ZFP28: variants seen among roughly 807,000 people sequenced by gnomAD.
The protein encoded by ZFP28 is zinc finger protein 28 homolog.
A neutral mutation model predicts 39.5 loss-of-function variants in ZFP28; 31 were observed. The observed-to-expected ratio is 0.79, with a 90% confidence interval of 0.59 to 1.06. ZFP28 has a LOEUF of 1.06. Ranked by LOEUF, ZFP28 falls within the 50% of genes least tolerant of loss-of-function variation. ZFP28 has a pLI of 0.00. For synonymous variants in ZFP28, 400 were observed against 378.6 expected, an observed-to-expected ratio of 1.06 and a Z score of -0.66; for missense variants, 925 against 1,048.4, an observed-to-expected ratio of 0.88 and a Z score of 1.63.
intron 2 of ZFP28, among the ~76,000 whole-genome samples, chr19:56,545,168 G>T (rs1487832206): frequency 6.6e-6 from 1 of 152,174 alleles, no homozygotes; most frequent in Non-Finnish European, 1.5e-5. Context: ...GCTGTTTCCT[G>T]CAAGTATTAC....
chr19:56,540,884 T>C (rs973119763), intron 2 of ZFP28, among the ~76,000 whole-genome samples: 1 of 148,580 alleles, frequency 6.7e-6, no homozygotes, highest in African/African-American at 2.5e-5. Context: ...CTGACTTTCA[T>C]CTTCCTGACT....
At chr19:56,550,372 T>G in intron 6 of ZFP28, 138 bp from the exon 7 acceptor site, 1 of 886,198 alleles carries the variant, frequency 1.1e-6, no homozygotes, top group Non-Finnish European at 1.7e-6. Flanking sequence ...AAGCGTTATC[T>G]TCTTGTGTCT....
intron 2 of ZFP28, among the ~76,000 whole-genome samples, chr19:56,544,034 T>C (rs901036431): frequency 6.6e-6 from 1 of 152,224 alleles, no homozygotes; most frequent in Non-Finnish European, 1.5e-5. Flanking sequence ...AGGAAAATAA[T>C]TGGACCTGCC....
intron 2 of ZFP28, chr19:56,545,649 G>A (rs2044235145): frequency 6.6e-6 from 1 of 152,224 alleles, no homozygotes; most frequent in Non-Finnish European, 1.5e-5. Context: ...TTACTGGAAG[G>A]GCTTGGAGAC....
At position 56,554,891 on chromosome 19, in the gene ZFP28, A is replaced by G. The variant is rs1278153160; in HGVS notation, c.2106A>G (p.Lys702=). The part of the protein sequence containing the change: ...QRVHTGEKPY[K]CMECGKAFGD... ...TTCACACTGGTGAGAAACCCTATAAATGTATGGAATGTGGGAAGGCCTTTG... is the reference window on the plus strand; with the variant it reads ...TTCACACTGGTGAGAAACCCTATAAGTGTATGGAATGTGGGAAGGCCTTTG... The change falls in exon 8 of 8, where the codon AAA becomes AAG. Residue 702 remains lysine (K), a synonymous_variant. Coordinates refer to ENST00000301318, the MANE Select transcript of ZFP28 (RefSeq NM_020828.2). The surrounding 1 kb of genome is among the most constrained non-coding windows in gnomAD (Gnocchi z 6.7). The G allele has an allele frequency of 1.9e-6, 3 of 1,614,156 alleles. No homozygotes were observed. The Admixed American group carries it at 5.0e-5, about 27-fold the overall frequency.
At position 56,547,859 on chromosome 19, in the gene ZFP28, G is replaced by T. The variant is rs1163661877; in HGVS notation, c.480G>T (p.Glu160Asp). Reference protein sequence around the residue: ...DVISSLEQGKEPWTVKRKMTR... With the variant: ...DVISSLEQGKDPWTVKRKMTR... ...TCTCCTCGTTGGAACAAGGAAAAGA[G>T]CCTTGGACAGTGAAGCGAAAGATGA... is the stretch of plus-strand genomic sequence containing the variant. The change falls in exon 4 of 8, where the codon GAG (glutamate) becomes GAT (aspartate). Residue 160 changes from glutamate to aspartate, a missense_variant. Glu to Asp is a conservative substitution (Grantham distance 45). Transcript: ENST00000301318. This position sits in a 1 kb window ranked among gnomAD's most constrained non-coding sequence, Gnocchi z 4.6. 1.2e-6 allele frequency: 2 copies of T among 1,614,058 alleles called. No homozygotes were observed. Among genetic ancestry groups the T allele is most frequent in the Admixed American group, 1.7e-5 (1 of 60,002 alleles).
At chr19:56,540,025 T>C (rs4801173) in intron 2 of ZFP28, among the ~76,000 whole-genome samples, 57,887 of 152,086 alleles carry the variant, frequency 0.38, 13,178 homozygotes, top group African/African-American at 0.62. Context: ...CACGGCAGAC[T>C]CTTCTGCTAT....
chr19:56,543,890 G>A (rs2147950621), intron 2 of ZFP28, among the ~76,000 whole-genome samples: 1 of 152,282 alleles, frequency 6.6e-6, no homozygotes, highest in African/African-American at 2.4e-5. Flanking sequence ...TTATCAAAGT[G>A]GAACCTTTTA....
Position 56,555,431 on chromosome 19 carries a change from T to G in ZFP28, c.*39T>G. The G allele has an allele frequency of 6.5e-7, 1 of 1,549,636 alleles. No homozygotes were observed. The highest frequency in any genetic ancestry group is 8.7e-7 in the Non-Finnish European group (1 of 1,151,636). On this transcript the variant is annotated 3_prime_UTR_variant, in exon 8 of 8. Coordinates refer to ENST00000301318, the MANE Select transcript of ZFP28 (RefSeq NM_020828.2). ...TTTCTGTTTGACTACTCCAGCAGTT[T>G]AAAACCCCATCTCCCTGCCCTTTTG...
intron 2 of ZFP28, among the ~76,000 whole-genome samples, chr19:56,542,960 G>A (rs1457033536): frequency 1.3e-5 from 2 of 152,056 alleles, no homozygotes; most frequent in African/African-American, 2.4e-5. Context: ...TACATTCCTA[G>A]AAGTTTTTCT....
intron 5 of ZFP28, 93 bp downstream of exon 5, chr19:56,549,214 AG>A (rs2044271540): frequency 7.0e-7 from 1 of 1,419,808 alleles, no homozygotes; most frequent in African/African-American, 1.4e-5. Flanking sequence ...CAACTATAAG[AG>A]AAGTTTTCAT....
intron 2 of ZFP28, chr19:56,544,626 T>A (rs1011373844): frequency 6.6e-6 from 1 of 152,244 alleles, no homozygotes; most frequent in Non-Finnish European, 1.5e-5. Context: ...CAGCTGACTG[T>A]CTGTGATCCT....
Position 56,554,598 on chromosome 19 carries a change from G to T in ZFP28, c.1813G>T (p.Ala605Ser), listed in dbSNP as rs1288116986. The change falls in exon 8 of 8, where the codon GCC becomes TCC. Residue 605 changes from alanine to serine, a missense_variant. Ala to Ser is a moderately conservative substitution (Grantham distance 99). Coordinates refer to ENST00000301318, the MANE Select transcript of ZFP28 (RefSeq NM_020828.2). The surrounding 1 kb of genome is among the most constrained non-coding windows in gnomAD (Gnocchi z 6.7). ...GKAFRQNIHL[A>S]SHLRIHTGEK... ...AGCTTTTAGGCAGAATATACACCTT[G>T]CCAGTCATTTAAGGATTCATACTGG... is the stretch of plus-strand genomic sequence containing the variant. 6.2e-6 allele frequency: 10 copies of T among 1,614,136 alleles called. No homozygotes were observed. The highest frequency in any genetic ancestry group is 3.3e-5 in the Admixed American group (2 of 60,028).
chr19:56,549,178 C>G (rs1258891131), intron 5 of ZFP28, 57 bp downstream of exon 5: 1 of 1,550,350 alleles, frequency 6.5e-7, no homozygotes, highest in Non-Finnish European at 8.7e-7. Flanking sequence ...GGAAACTCTT[C>G]TTGAGGGAAG....
Position 56,554,645 on chromosome 19 carries a change from GGA to G in ZFP28, c.1862_1863del (p.Glu621ValfsTer25). On this transcript the variant is annotated frameshift_variant, in exon 8 of 8. Coordinates refer to ENST00000301318, the MANE Select transcript of ZFP28 (RefSeq NM_020828.2). LOFTEE classifies it low-confidence loss of function (END_TRUNC). The surrounding 1 kb of genome is among the most constrained non-coding windows in gnomAD (Gnocchi z 6.7). ...HTGEKPFECA[E>X]CGKSFSISSQ... ...CTGGGGAGAAGCCTTTTGAATGTGC[GGA>G]GTGTGGAAAATCCTTCAGCATCAGT... 1 of 1,613,372 alleles carries G rather than the reference GGA, an allele frequency of 6.2e-7. No individual in the cohort carries two copies. The highest frequency in any genetic ancestry group is 1.1e-5 in the South Asian group (1 of 91,044).
chr19:56,537,404 G>A (rs1600534172), upstream of ZFP28, among the ~76,000 whole-genome samples: 1 of 152,144 alleles, frequency 6.6e-6, no homozygotes, highest in African/African-American at 2.4e-5. Context: ...CAAACCCCCA[G>A]CAAATGTGTA....
chr19:56,555,064 G>C lies in ZFP28; in HGVS notation c.2279G>C (p.Ser760Thr). 1 of 1,614,174 alleles carries C rather than the reference G, an allele frequency of 6.2e-7. No homozygotes were observed. Among genetic ancestry groups the C allele is most frequent in the Non-Finnish European group, 8.5e-7 (1 of 1,180,028 alleles). ...SHTGEKPYEC[S>T]VCGKAFSHRQ... ...ACTGGAGAAAAACCTTATGAATGCA[G>C]TGTGTGTGGCAAAGCCTTTAGTCAT... Residue 760 changes from serine (S) to threonine (T), a missense_variant, in exon 8 of 8, where the codon AGT (serine) becomes ACT (threonine). By Grantham distance (58) the Ser-to-Thr change is moderately conservative. This residue lies in a region of ZFP28 where 369 missense variants were observed against 505.5 expected (regional missense o/e 0.73). Coordinates refer to ENST00000301318, the MANE Select transcript of ZFP28 (RefSeq NM_020828.2).
chr19:56,548,970 T>G lies in ZFP28; in HGVS notation c.536T>G (p.Val179Gly). Residue 179 changes from valine to glycine, a missense_variant, in exon 5 of 8, where the codon GTG (valine) becomes GGG (glycine). Val to Gly is a moderately radical substitution (Grantham distance 109, BLOSUM62 -3). Around this residue, in one of 2 missense-constraint regions of ZFP28, gnomAD observed 556 missense variants for 542.9 expected, o/e 1.02. Coordinates refer to ENST00000301318, the MANE Select transcript of ZFP28 (RefSeq NM_020828.2). ...TTACGTCTTTCAGACTTGAAGGCTGTGTGGAAGATCAAGGAGTTACCTCTC... is the reference window on the plus strand; with the variant it reads ...TTACGTCTTTCAGACTTGAAGGCTGGGTGGAAGATCAAGGAGTTACCTCTC... ...TRAWCPDLKA[V>G]WKIKELPLKK... 6.2e-7 allele frequency: 1 copy of G among 1,613,454 alleles called. No homozygotes were observed. The highest frequency in any genetic ancestry group is 1.1e-5 in the South Asian group (1 of 90,932).
At chr19:56,552,556 A>G (rs2044313534) in intron 7 of ZFP28, 1 of 152,170 alleles carries the variant, frequency 6.6e-6, no homozygotes, top group Non-Finnish European at 1.5e-5. Flanking sequence ...TTTATGCAAC[A>G]TTGATATGAA....
Sources: allele counts gnomAD v4.1 joint callset (sites outside exome capture counted in the v4.1 genomes callset), GRCh38; gene constraint gnomAD v4.1.1; regional missense constraint gnomAD v4.1.1; non-coding constraint Gnocchi (gnomAD v3.1); transcripts MANE v1.5; gene names NCBI Gene and HGNC (gene_info 2026-07-23, HGNC 2026-07-21).